Variants in CCL24 observed in about 807,000 individuals in gnomAD.
The protein encoded by CCL24 is C-C motif chemokine ligand 24, also known as C-C motif chemokine 24.
CCL24 carries 6 observed loss-of-function variants against 8.6 expected under a neutral mutation model. The ratio of observed to expected loss-of-function variants is 0.70; its 90% CI spans 0.38 to 1.38. The LOEUF (loss-of-function observed/expected upper bound fraction) is 1.38, where lower values mean the gene tolerates loss of function less well. CCL24 is among the 40% of genes most tolerant of loss of function. CCL24 has a pLI of 0.02. For missense variants in CCL24, 126 were observed against 147.1 expected, an observed-to-expected ratio of 0.86 and a Z score of 0.74; for synonymous variants, 59 against 52.7, an observed-to-expected ratio of 1.12 and a Z score of -0.52.
At chr7:75,815,109 C>T (rs57842645), upstream of CCL24, among the ~76,000 whole-genome samples, 286 of 151,414 alleles carry the variant, frequency 1.9e-3, 3 homozygotes, top group African/African-American at 6.4e-3. Flanking sequence ...GAGGCTGAGG[C>T]GGGAGGATTG....
chr7:75,816,266 G>GTAAGTGTACACA (rs1554534123), upstream of CCL24, among the ~76,000 whole-genome samples: 1 of 152,160 alleles, frequency 6.6e-6, no homozygotes, highest in Non-Finnish European at 1.5e-5. Context: ...AGCACAACTG[G>GTAAGTGTACACA]AGCCTGCGTG....
upstream of CCL24, among the ~76,000 whole-genome samples, chr7:75,817,072 C>T (rs1393629751): frequency 3.9e-5 from 6 of 151,970 alleles, no homozygotes; most frequent in Admixed American, 3.9e-4. Flanking sequence ...CCCTATGTTG[C>T]CCAGGCTAGT....
intron 1 of CCL24, among the ~76,000 whole-genome samples, chr7:75,820,106 C>CTT (rs1554534861): frequency 7.3e-3 from 521 of 71,084 alleles, no homozygotes; most frequent in Non-Finnish European, 0.011. Flanking sequence ...TCTTCTTCTT[C>CTT]CTTCTTCTTC....
chr7:75,822,324 A>C (rs1215537120), intron 1 of CCL24, among the ~76,000 whole-genome samples: 1 of 152,134 alleles, frequency 6.6e-6, no homozygotes, highest in Non-Finnish European at 1.5e-5. Flanking sequence ...GGCCCAGGCA[A>C]GGTGTTTAGC....
chr7:75,813,592 C>T, intron 1 of CCL24, 51 bp downstream of exon 1: 1 of 1,520,752 alleles, frequency 6.6e-7, no homozygotes, highest in Non-Finnish European at 9.1e-7. Context: ...GCACCCCCCA[C>T]TGTGCCATCC....
intron 2 of CCL24, 103 bp from the exon 3 acceptor site, chr7:75,812,067 CCT>C: frequency 1.1e-6 from 1 of 899,502 alleles, no homozygotes; most frequent in Non-Finnish European, 1.7e-6. Flanking sequence ...AGTAAGGCTT[CCT>C]TGCAAGTTGC....
At chr7:75,821,884 C>T (rs1392568966) in intron 1 of CCL24, among the ~76,000 whole-genome samples, 4 of 150,024 alleles carry the variant, frequency 2.7e-5, no homozygotes, top group Non-Finnish European at 3.0e-5. Context: ...GCCGAGATCC[C>T]GCCACTGCAC....
At chr7:75,815,806 T>C (rs954273721), upstream of CCL24, among the ~76,000 whole-genome samples, 2 of 152,158 alleles carry the variant, frequency 1.3e-5, no homozygotes, top group Admixed American at 6.6e-5. Context: ...TTTGTAATTA[T>C]TGGGTAACAA....
At chr7:75,819,003 T>C (rs1463720139) in intron 1 of CCL24, among the ~76,000 whole-genome samples, 1 of 150,956 alleles carries the variant, frequency 6.6e-6, no homozygotes, top group Non-Finnish European at 1.5e-5. Context: ...GGGCCAGGGC[T>C]CACGCTTGTA....
At chr7:75,813,127 T>A (rs1407115148) in intron 2 of CCL24, among the ~76,000 whole-genome samples, 179 bp downstream of exon 2, 5 of 151,802 alleles carry the variant, frequency 3.3e-5, no homozygotes, top group African/African-American at 7.3e-5. Context: ...AAAATGAAAT[T>A]AAAAAAATAA....
In CCL24 at chr7:75,810,939, TCTTTTCTCCCCCTA is replaced by T. The variant is rs1803741496; in HGVS notation, c.*843_*856del. 6.7e-6 allele frequency among the ~76,000 whole-genome samples: 1 copy of T among 149,754 alleles called. No individual in the cohort carries two copies. The highest frequency in any genetic ancestry group is 2.5e-5 in the African/African-American group (1 of 40,508). Reference sequence around the variant, plus strand: ...CATGCATAGAAAAAAAAAGCTAGAGTCTTTTCTCCCCCTAATCCCCCCACCCTATCTTCCCCTCA... The same window carrying T: ...CATGCATAGAAAAAAAAAGCTAGAGTATCCCCCCACCCTATCTTCCCCTCA... On this transcript the variant is annotated 3_prime_UTR_variant, in exon 3 of 3. Coordinates refer to ENST00000222902, the MANE Select transcript of CCL24 (RefSeq NM_002991.3).
At chr7:75,814,230 T>C (rs1170447351), upstream of CCL24, among the ~76,000 whole-genome samples, 1 of 152,136 alleles carries the variant, frequency 6.6e-6, no homozygotes, top group Non-Finnish European at 1.5e-5. Context: ...CTGGGAGGAC[T>C]CTAATGGGGA....
At position 75,823,321 on chromosome 7, in the gene CCL24, C is replaced by A. The variant is rs117315456; in HGVS notation, c.-60+1G>T. Reference sequence around the variant, plus strand: ...ATACTGGGCACAGGGGAGCCACTTACCCGGAGGTAACAGGGTGACAGCCTT... The same window carrying A: ...ATACTGGGCACAGGGGAGCCACTTAACCGGAGGTAACAGGGTGACAGCCTT... On this transcript the variant is annotated splice_donor_variant, in intron 1 of 3. Coordinates refer to the CCL24 transcript ENST00000416943. LOFTEE classifies it low-confidence loss of function (5UTR_SPLICE). 2,154 of 152,430 alleles carry A rather than the reference C, an allele frequency of 0.014. 21 individuals carry two copies. The highest frequency in any genetic ancestry group is 0.022 in the Non-Finnish European group (1,503 of 68,116). The allele number at this position is 152,430 out of a possible 1,614,324, so 9.4% of individuals were successfully genotyped here.
chr7:75,821,375 A>G (rs1188569221), intron 1 of CCL24, among the ~76,000 whole-genome samples: 1 of 152,032 alleles, frequency 6.6e-6, no homozygotes, highest in Non-Finnish European at 1.5e-5. Flanking sequence ...GGAATCTAGG[A>G]TGGAGAGGTG....
At position 75,811,947 on chromosome 7, in the gene CCL24, C is replaced by T. The variant is rs955446524; in HGVS notation, c.209G>A (p.Gly70Asp). 2 of 1,610,766 alleles carry T rather than the reference C, an allele frequency of 1.2e-6. No homozygotes were observed. Among genetic ancestry groups the T allele is most frequent in the Non-Finnish European group, 1.7e-6 (2 of 1,179,446 alleles). The part of the protein sequence containing the change: ...KAGVIFTTKK[G>D]QQFCGDPKQE... ...CTTGGGGTCGCCACAGAACTGCTGG[C>T]CCTTCTTGGTGGTGAAGCTGTGGAA... The change falls in exon 3 of 3, where the codon GGC becomes GAC. Residue 70 changes from glycine (G) to aspartate (D), a missense_variant. Gly to Asp is a moderately conservative substitution (Grantham distance 94). Transcript: ENST00000222902.
chr7:75,813,516 C>A (rs1340451488), intron 1 of CCL24, 93 bp from the exon 2 acceptor site: 4 of 1,253,388 alleles, frequency 3.2e-6, no homozygotes, highest in Non-Finnish European at 4.7e-6. Flanking sequence ...CACCAAACAC[C>A]GCCAGTCCAT....
rs944850878 is a variant in CCL24, at chr7:75,813,780, G to A, written c.-65C>T. ...GACGTGCAGGAGGAAAGGACCTAGG[G>A]ATAAATAGCTCGGGTCCTTGCAGAG... On this transcript the variant is annotated 5_prime_UTR_variant, in exon 1 of 3. Coordinates refer to ENST00000222902, the MANE Select transcript of CCL24 (RefSeq NM_002991.3). 7.6e-7 allele frequency: 1 copy of A among 1,321,104 alleles called. No homozygotes were observed. The highest frequency in any genetic ancestry group is 1.4e-5 in the African/African-American group (1 of 69,100). 81.8% of individuals were successfully genotyped at this position (1,321,104 alleles called of 1,614,324 possible).
intron 1 of CCL24, 100 bp from the exon 2 acceptor site, chr7:75,813,523 C>A: frequency 8.0e-7 from 1 of 1,242,580 alleles, no homozygotes; most frequent in South Asian, 1.2e-5. Flanking sequence ...CACCGCCAGT[C>A]CATTCACTGG....
rs184523210 is a variant in CCL24, at chr7:75,810,895, A to G, written c.*901T>C. On this transcript the variant is annotated 3_prime_UTR_variant, in exon 3 of 3. Coordinates refer to ENST00000222902, the MANE Select transcript of CCL24 (RefSeq NM_002991.3). The stretch of plus-strand genomic sequence containing the variant: ...AACAGCAACTGTGTCTACACTCTTG[A>G]TAAACCCACACAGTATATCATGCAT... 2.0e-5 allele frequency among the ~76,000 whole-genome samples: 3 copies of G among 152,160 alleles called. No individual in the cohort carries two copies. Among genetic ancestry groups the G allele is most frequent in the Admixed American group, 2.0e-4 (3 of 15,258 alleles).
Sources: allele counts gnomAD v4.1 joint callset (sites outside exome capture counted in the v4.1 genomes callset), GRCh38; gene constraint gnomAD v4.1.1; transcripts MANE v1.5; gene names NCBI Gene and HGNC (gene_info 2026-07-23, HGNC 2026-07-21).